SETBP1: variants seen among roughly 807,000 people sequenced by gnomAD.
The protein encoded by SETBP1 is SET binding protein 1, also known as SET-binding protein.
A neutral mutation model predicts 101.0 loss-of-function variants in SETBP1; 9 were observed. The ratio of observed to expected loss-of-function variants is 0.09; its 90% CI spans 0.05 to 0.16. The LOEUF is 0.16. SETBP1 is among the 10% of genes least tolerant of loss of function. The probability of loss-of-function intolerance (pLI) is 1.00; values close to 1 mark genes in which losing one functional copy is unlikely to be tolerated. For synonymous variants in SETBP1, 818 were observed against 788.5 expected (o/e 1.04, Z -0.63); for missense variants, 1,858 against 2,033.8 (o/e 0.91, Z 1.66).
intron 5 of SETBP1, among the ~76,000 whole-genome samples, chr18:45,054,766 A>G (rs902167504): frequency 1.3e-5 from 2 of 152,170 alleles, no homozygotes; most frequent in Non-Finnish European, 2.9e-5. Flanking sequence ...ATGAGTCGCC[A>G]CTGTCATTAT....
At position 45,063,855 on chromosome 18, in the gene SETBP1, A is replaced by T; in HGVS notation, c.*157A>T. ...TCCGGCCAGACGACGGGGCTGAGCC[A>T]TCAGGAGCTCTTGGGAAAGCAAAGC... On this transcript the variant is annotated 3_prime_UTR_variant, in exon 6 of 6. Transcript: ENST00000649279. The T allele has an allele frequency of 1.3e-6, 1 of 756,164 alleles. No individual in the cohort carries two copies. The allele number at this position is 756,164 out of a possible 1,614,324, so 46.8% of individuals were successfully genotyped here.
rs527254655 is a variant in SETBP1, at chr18:44,785,246, A to G, written c.486+83414A>G. Among the ~76,000 whole-genome samples, 65 of 152,312 alleles carry G rather than the reference A, an allele frequency of 4.3e-4. 1 individual carries two copies. Among genetic ancestry groups the G allele is most frequent in the African/African-American group, 1.5e-3 (62 of 41,578 alleles). Reference sequence around the variant, plus strand: ...AAACTGCAGAGATTTTCTCTCTGACAGAGGCTGAAAGGGTTTTATGGGTGA... The same window carrying G: ...AAACTGCAGAGATTTTCTCTCTGACGGAGGCTGAAAGGGTTTTATGGGTGA... On this transcript the variant is annotated intron_variant, in intron 2 of 5. Coordinates refer to ENST00000649279, the MANE Select transcript of SETBP1 (RefSeq NM_015559.3).
chr18:44,964,016 C>T (rs769295676), intron 4 of SETBP1, among the ~76,000 whole-genome samples: 11 of 144,762 alleles, frequency 7.6e-5, no homozygotes, highest in Non-Finnish European at 1.2e-4. Context: ...TGAGTTTGGG[C>T]TACACTTCAG....
rs1046521162 is a variant in SETBP1, at chr18:44,906,545, T to G, written c.540+37262T>G. ...CTCCTCTCTTTTAAGAAGAAAAACA[T>G]TCAATATTCAGTAATAGGAACTGTC... On this transcript the variant is annotated intron_variant, in intron 3 of 5. Transcript: ENST00000649279. Among the ~76,000 whole-genome samples the G allele has an allele frequency of 9.2e-5, 14 of 152,328 alleles. No individual in the cohort carries two copies. In the South Asian group the frequency reaches 2.9e-3, roughly 32 times the overall value.
Position 45,067,771 on chromosome 18 carries a change from TCA to T in SETBP1, c.*4074_*4075del. On this transcript the variant is annotated 3_prime_UTR_variant, in exon 6 of 6. Coordinates refer to ENST00000649279, the MANE Select transcript of SETBP1 (RefSeq NM_015559.3). The stretch of plus-strand genomic sequence containing the variant: ...GATGAGTCTTCCTTCCCTGTTGGAC[TCA>T]GTCATTTGGGGAACAGTCTTAGAAG... 6.6e-6 allele frequency: 1 copy of T among 152,306 alleles called. No homozygotes were observed. The highest frequency in any genetic ancestry group is 6.5e-5 in the Admixed American group (1 of 15,300). The allele number at this position is 152,306 out of a possible 1,614,324, so 9.4% of individuals were successfully genotyped here. A position where few individuals can be genotyped will look rare whatever the true frequency, so the allele number is the denominator to read the frequency against.
chr18:45,063,277 C>T lies in SETBP1; in HGVS notation c.4370C>T (p.Pro1457Leu), dbSNP rs1420167231. ...TTCGTGAAGAAGAGGCGCGGGCGTCCCAGGAAGCAGCCCACCCAGTTCGAT... is the reference window on the plus strand; with the variant it reads ...TTCGTGAAGAAGAGGCGCGGGCGTCTCAGGAAGCAGCCCACCCAGTTCGAT... ...NNFVKKRRGRPRKQPTQFDED... is the reference protein window; with the variant it reads ...NNFVKKRRGRLRKQPTQFDED... Residue 1457 changes from proline (P) to leucine (L), a missense_variant, in exon 6 of 6, where the codon CCC becomes CTC. Pro to Leu is a moderately conservative substitution (Grantham distance 98). This residue lies in a region of SETBP1 where 26 missense variants were observed against 56.3 expected (regional missense o/e 0.46). Coordinates refer to ENST00000649279, the MANE Select transcript of SETBP1 (RefSeq NM_015559.3). 2 of 1,610,634 alleles carry T rather than the reference C, an allele frequency of 1.2e-6. No homozygotes were observed. Among genetic ancestry groups the T allele is most frequent in the Non-Finnish European group, 1.7e-6 (2 of 1,178,238 alleles).
intron 2 of SETBP1, among the ~76,000 whole-genome samples, chr18:44,725,053 C>T (rs2069677416): frequency 6.6e-6 from 1 of 152,084 alleles, no homozygotes; most frequent in Admixed American, 6.5e-5. Context: ...AGCACATGGT[C>T]ACTGGCAATG....
intron 3 of SETBP1, chr18:44,869,778 A>G (rs2069231125): frequency 4.3e-6 from 1 of 234,524 alleles, no homozygotes; most frequent in African/African-American, 2.2e-5. Context: ...GGCCACTGTT[A>G]TCTCTGGCCA....
intron 4 of SETBP1, among the ~76,000 whole-genome samples, chr18:45,023,742 T>G (rs2073114091): frequency 6.6e-6 from 1 of 152,180 alleles, no homozygotes; most frequent in Non-Finnish European, 1.5e-5. Flanking sequence ...TTTTAAATAT[T>G]CAAAGTTCTT....
chr18:44,775,470 A>G (rs2070978481), intron 2 of SETBP1, among the ~76,000 whole-genome samples: 2 of 152,358 alleles, frequency 1.3e-5, no homozygotes, highest in African/African-American at 2.4e-5. Flanking sequence ...GTAAGAATTC[A>G]GTACTTCAGT....
At chr18:45,021,681 T>C (rs2073072373) in intron 4 of SETBP1, among the ~76,000 whole-genome samples, 1 of 152,200 alleles carries the variant, frequency 6.6e-6, no homozygotes, top group Non-Finnish European at 1.5e-5. Flanking sequence ...AATTCACATT[T>C]GCAGAATACA....
chr18:44,759,257 C>T (rs868607720), intron 2 of SETBP1, among the ~76,000 whole-genome samples: 1 of 152,178 alleles, frequency 6.6e-6, no homozygotes, highest in African/African-American at 2.4e-5. Flanking sequence ...CACTGTCTTC[C>T]TGTTTTATAT....
chr18:44,782,774 G>C (rs539390363), intron 2 of SETBP1, among the ~76,000 whole-genome samples: 1 of 152,068 alleles, frequency 6.6e-6, no homozygotes, highest in African/African-American at 2.4e-5. Context: ...GCTTGTATTC[G>C]CGGTGGGCAT....
intron 3 of SETBP1, among the ~76,000 whole-genome samples, chr18:44,919,129 T>C (rs2070516279): frequency 6.6e-6 from 1 of 152,228 alleles, no homozygotes; most frequent in Admixed American, 6.5e-5. Flanking sequence ...GGTCATCATC[T>C]AGTCCACAGG....
intron 4 of SETBP1, 144 bp from the exon 5 acceptor site, chr18:45,038,341 A>C: frequency 1.2e-6 from 1 of 819,018 alleles, no homozygotes; most frequent in South Asian, 1.5e-5. Flanking sequence ...TTTCTCTTTT[A>C]GCATTTTTAA....
chr18:44,791,073 G>A (rs188581437), intron 2 of SETBP1, among the ~76,000 whole-genome samples: 14 of 152,358 alleles, frequency 9.2e-5, no homozygotes, highest in Middle Eastern at 3.4e-3. Flanking sequence ...TTCAAGGACA[G>A]TTAAGTTGAC....
chr18:44,941,452 T>C (rs960450531), intron 3 of SETBP1, among the ~76,000 whole-genome samples: 7 of 152,094 alleles, frequency 4.6e-5, no homozygotes, highest in African/African-American at 1.7e-4. Context: ...ATTTTTGGTT[T>C]TGATCAATTT....
At chr18:44,879,322 T>C (rs974616624) in intron 3 of SETBP1, among the ~76,000 whole-genome samples, 6 of 152,238 alleles carry the variant, frequency 3.9e-5, no homozygotes, top group Non-Finnish European at 8.8e-5. Context: ...TTGTACTAGC[T>C]GTGTGACCTC....
intron 4 of SETBP1, among the ~76,000 whole-genome samples, chr18:44,965,094 C>G (rs1387392932): frequency 1.3e-5 from 2 of 152,186 alleles, no homozygotes; most frequent in African/African-American, 4.8e-5. Flanking sequence ...AAATATCTTT[C>G]TTGAATATCA....
Sources: allele counts gnomAD v4.1 joint callset (sites outside exome capture counted in the v4.1 genomes callset), GRCh38; gene constraint gnomAD v4.1.1; regional missense constraint gnomAD v4.1.1; transcripts MANE v1.5; gene names NCBI Gene and HGNC (gene_info 2026-07-23, HGNC 2026-07-21).